Variants in PYM1 observed in about 807,000 individuals in gnomAD.
The protein encoded by PYM1 is partner of Y14 and mago.
A neutral mutation model predicts 20.7 loss-of-function variants in PYM1; 7 were observed. The observed-to-expected ratio is 0.34, with a 90% CI of 0.19 to 0.64. The LOEUF (loss-of-function observed/expected upper bound fraction) is 0.64. Ranked by LOEUF, PYM1 falls within the 30% of genes least tolerant of loss-of-function variation. The probability of loss-of-function intolerance (pLI) is 0.74; values close to 1 mark genes in which losing one functional copy is unlikely to be tolerated. For synonymous variants in PYM1, 100 were observed against 99.2 expected (o/e 1.01, Z -0.05); for missense variants, 194 against 250.0 (o/e 0.78, Z 1.51).
chr12:55,918,238 CA>C lies in PYM1; in HGVS notation c.37+9486del, dbSNP rs762493314. 1.1e-4 allele frequency among the ~76,000 whole-genome samples: 16 copies of C among 151,986 alleles called. No homozygotes were observed. In the East Asian group the frequency reaches 2.4e-3, roughly 23 times the overall value. Reference sequence around the variant, plus strand: ...TCAGTCTCCCGAGTAGCTGGGACTACAGGTGCCCGCCACCATGCCCGGCTAA... The same window carrying C: ...TCAGTCTCCCGAGTAGCTGGGACTACGGTGCCCGCCACCATGCCCGGCTAA... On this transcript the variant is annotated intron_variant, in intron 1 of 2. Transcript: ENST00000408946.
intron 1 of PYM1, among the ~76,000 whole-genome samples, chr12:55,905,154 A>G (rs989613161): frequency 6.8e-6 from 1 of 147,712 alleles, no homozygotes; most frequent in Non-Finnish European, 1.5e-5. Context: ...GGCGCCTGCC[A>G]CCACACCTGG....
At chr12:55,914,225 C>T (rs1254857984) in intron 1 of PYM1, 6 of 689,854 alleles carry the variant, frequency 8.7e-6, no homozygotes, top group East Asian at 8.1e-5. Flanking sequence ...AATGGCCATC[C>T]TGTGTGGAAG....
At chr12:55,924,672 A>G (rs1883158815) in intron 1 of PYM1, among the ~76,000 whole-genome samples, 1 of 152,050 alleles carries the variant, frequency 6.6e-6, no homozygotes, top group South Asian at 2.1e-4. Context: ...ATAAATTTAA[A>G]TATTTATTTA....
chr12:55,916,999 G>A, intron 1 of PYM1, among the ~76,000 whole-genome samples: 1 of 151,998 alleles, frequency 6.6e-6, no homozygotes. Context: ...CTACTTGGGA[G>A]GCTAAGCTGG....
At chr12:55,919,617 G>T (rs1883064135) in intron 1 of PYM1, among the ~76,000 whole-genome samples, 1 of 152,126 alleles carries the variant, frequency 6.6e-6, no homozygotes, top group Admixed American at 6.5e-5. Flanking sequence ...TAGGCTGGGG[G>T]CCAGGCATGG....
chr12:55,905,664 C>T (rs1211306869), intron 1 of PYM1, among the ~76,000 whole-genome samples: 1 of 146,612 alleles, frequency 6.8e-6, no homozygotes, highest in Non-Finnish European at 1.5e-5. Context: ...GATTGCGCCA[C>T]TGCACTCCAG....
chr12:55,912,992 A>C (rs1882951197), intron 1 of PYM1, among the ~76,000 whole-genome samples: 1 of 152,098 alleles, frequency 6.6e-6, no homozygotes, highest in Admixed American at 6.6e-5. Context: ...TAGAAACTAA[A>C]ATATTCACAA....
chr12:55,907,985 T>G (rs1882854782), intron 1 of PYM1, among the ~76,000 whole-genome samples: 1 of 151,316 alleles, frequency 6.6e-6, no homozygotes, highest in South Asian at 2.1e-4. Flanking sequence ...GGCTCATGCC[T>G]GTAATCCCAG....
At chr12:55,915,242 G>T (rs1243704893) in intron 1 of PYM1, among the ~76,000 whole-genome samples, 1 of 89,698 alleles carries the variant, frequency 1.1e-5, no homozygotes, top group Admixed American at 1.2e-4. Flanking sequence ...AAAAAGTAAA[G>T]GTAGGTGATT....
intron 1 of PYM1, among the ~76,000 whole-genome samples, chr12:55,923,506 A>G (rs1445157770): frequency 1.3e-5 from 2 of 149,928 alleles, no homozygotes; most frequent in East Asian, 2.0e-4. Context: ...TTAAGACTAC[A>G]GTAAATGGTG....
At chr12:55,911,424 T>C (rs1449953573) in intron 1 of PYM1, among the ~76,000 whole-genome samples, 2 of 152,044 alleles carry the variant, frequency 1.3e-5, no homozygotes, top group Non-Finnish European at 2.9e-5. Flanking sequence ...TTAATAGAGA[T>C]TTTTTACAGA....
intron 1 of PYM1, among the ~76,000 whole-genome samples, chr12:55,906,465 C>A (rs1022460105): frequency 2.6e-5 from 4 of 151,918 alleles, no homozygotes; most frequent in African/African-American, 4.8e-5. Flanking sequence ...AGCAGTTTCA[C>A]CAACCATGTC....
chr12:55,910,409 T>C (rs368657200), intron 1 of PYM1, among the ~76,000 whole-genome samples: 22 of 151,996 alleles, frequency 1.4e-4, no homozygotes, highest in African/African-American at 5.1e-4. Flanking sequence ...GCCTGCCGAG[T>C]AGCTGGGACT....
chr12:55,905,726 A>ATG (rs1882785900), intron 1 of PYM1, among the ~76,000 whole-genome samples: 2 of 135,982 alleles, frequency 1.5e-5, no homozygotes, highest in East Asian at 2.0e-4. Context: ...ATATATATGT[A>ATG]TATATATATA....
At chr12:55,905,520 G>A (rs1882780225) in intron 1 of PYM1, among the ~76,000 whole-genome samples, 1 of 149,916 alleles carries the variant, frequency 6.7e-6, no homozygotes, top group African/African-American at 2.4e-5. Flanking sequence ...TGGCTAATAT[G>A]ACAAAACCCT....
chr12:55,921,800 C>T (rs988279280), intron 1 of PYM1, among the ~76,000 whole-genome samples: 1 of 152,002 alleles, frequency 6.6e-6, no homozygotes, highest in African/African-American at 2.4e-5. Flanking sequence ...ATATAAAATA[C>T]ACATCTATAA....
intron 1 of PYM1, among the ~76,000 whole-genome samples, chr12:55,926,539 T>C (rs908563155): frequency 4.6e-5 from 7 of 152,180 alleles, no homozygotes; most frequent in Non-Finnish European, 8.8e-5. Flanking sequence ...GAAAGTTGTA[T>C]TAGGGTCCTC....
At position 55,909,488 on chromosome 12, in the gene PYM1, G is replaced by A. The variant is rs536978977; in HGVS notation, c.38-6008C>T. On this transcript the variant is annotated intron_variant, in intron 1 of 2. Transcript: ENST00000408946. ...TGTCAAATGAATTAATCCTTTATGC[G>A]AAGTATTGTCTTAGGGCTTTGAATA... is the stretch of plus-strand genomic sequence containing the variant. Among the ~76,000 whole-genome samples, 69 of 151,936 alleles carry A rather than the reference G, an allele frequency of 4.5e-4. No individual in the cohort carries two copies. The South Asian group carries it at 0.014, about 30-fold the overall frequency.
intron 1 of PYM1, among the ~76,000 whole-genome samples, chr12:55,912,592 A>T (rs772466): frequency 4.2e-5 from 6 of 141,178 alleles, no homozygotes; most frequent in East Asian, 2.1e-4. Flanking sequence ...AAGAGGGGGG[A>T]AAAAAAAAAG....
Sources: gnomAD v4.1 joint callset for allele counts (sites outside exome capture counted in the v4.1 genomes callset) on GRCh38, gnomAD v4.1.1 for gene constraint, MANE v1.5 for transcripts, NCBI Gene and HGNC (gene_info 2026-07-23, HGNC 2026-07-21) for gene names.